The following FSD2 variants were observed in gnomAD, a reference collection of about 807,000 sequenced individuals.
The protein encoded by FSD2 is fibronectin type III and SPRY domain containing 2.
In FSD2, 71 loss-of-function variants were observed where a neutral mutation model predicts 80.4. That is an observed-to-expected ratio of 0.88 (90% confidence interval 0.73 to 1.08). The LOEUF (loss-of-function observed/expected upper bound fraction) is 1.08. Ranked by LOEUF, FSD2 falls within the 50% of genes least tolerant of loss-of-function variation. FSD2 has a pLI of 0.00. For missense variants in FSD2, 923 were observed against 913.8 expected, an observed-to-expected ratio of 1.01 and a Z score of -0.13; for synonymous variants, 361 against 329.5, an observed-to-expected ratio of 1.10 and a Z score of -1.03.
At chr15:82,790,827 C>T (rs2050130330) in intron 1 of FSD2, among the ~76,000 whole-genome samples, 1 of 150,408 alleles carries the variant, frequency 6.6e-6, no homozygotes, top group African/African-American at 2.5e-5. Context: ...CCTCGTGATC[C>T]GCCCACCTCG....
chr15:82,782,276 T>C (rs893889829), intron 4 of FSD2, among the ~76,000 whole-genome samples: 2 of 149,986 alleles, frequency 1.3e-5, no homozygotes, highest in African/African-American at 4.9e-5. Context: ...GGCGAGCGCC[T>C]GTAGTCCCAG....
chr15:82,759,424 C>T lies in FSD2; in HGVS notation c.2174G>A (p.Cys725Tyr), dbSNP rs778442048. 1 of 1,613,732 alleles carries T rather than the reference C, an allele frequency of 6.2e-7. No homozygotes were observed. Among genetic ancestry groups the T allele is most frequent in the South Asian group, 1.1e-5 (1 of 91,028 alleles). Reference protein sequence around the residue: ...SCQLHEFVHPCFSLEKPGCLK... With the variant: ...SCQLHEFVHPYFSLEKPGCLK... ...ACACCCAGGCTTTTCCAAAGAAAAA[C>T]AGGGATGCACAAATTCGTGAAGCTG... The change falls in exon 13 of 13, where the codon TGT becomes TAT. Residue 725 changes from cysteine (C) to tyrosine (Y), a missense_variant. Transcript: ENST00000334574.
In FSD2 at chr15:82,757,119, G is replaced by A. The variant is rs991147189; in HGVS notation, c.*2229C>T. ...ATGCTGAATAATTGTGATGCTTGAA[G>A]TTGCTAATCTGCTTTAAGTGGATTT... On this transcript the variant is annotated 3_prime_UTR_variant, in exon 13 of 13. Transcript: ENST00000334574. 1 of 152,198 alleles carries A rather than the reference G, an allele frequency of 6.6e-6. No individual in the cohort carries two copies. Among genetic ancestry groups the A allele is most frequent in the African/African-American group, 2.4e-5 (1 of 41,460 alleles). The allele number at this position is 152,198 out of a possible 1,614,324, so 9.4% of individuals were successfully genotyped here.
At chr15:82,791,765 C>CTACT (rs1439394704) in intron 1 of FSD2, among the ~76,000 whole-genome samples, 63 of 152,328 alleles carry the variant, frequency 4.1e-4, no homozygotes, top group African/African-American at 1.5e-3. Context: ...TCCTAAGCAA[C>CTACT]AACTAATCTA....
At chr15:82,782,254 G>T (rs2049882971) in intron 4 of FSD2, among the ~76,000 whole-genome samples, 1 of 151,002 alleles carries the variant, frequency 6.6e-6, no homozygotes, top group Admixed American at 6.6e-5. Context: ...AAAAAAATTA[G>T]CTGGGCTTGG....
intron 4 of FSD2, among the ~76,000 whole-genome samples, 190 bp downstream of exon 4, chr15:82,782,605 G>A (rs935547721): frequency 1.3e-5 from 2 of 152,200 alleles, no homozygotes; most frequent in African/African-American, 4.8e-5. Flanking sequence ...GCCATGCAGA[G>A]AGATTGGGCC....
rs753958916 is a variant in FSD2 at position 82,772,168 on chromosome 15, C to A, written c.1172G>T (p.Arg391Leu). The A allele has an allele frequency of 5.6e-6, 9 of 1,612,490 alleles. No homozygotes were observed. In the South Asian group the frequency reaches 9.9e-5, roughly 18 times the overall value. ...GTCGGAGTATAAGCTCCAGCACACTCGGACTGAGGAACCTGTGGCTGAGTT... is the reference window on the plus strand; with the variant it reads ...GTCGGAGTATAAGCTCCAGCACACTAGGACTGAGGAACCTGTGGCTGAGTT... ...VPNSATGSSV[R>L]VCWSLYSDDT... is the part of the protein sequence containing the mutation. Residue 391 changes from arginine to leucine, a missense_variant, in exon 7 of 13, where the codon CGA (arginine) becomes CTA (leucine). Coordinates refer to ENST00000334574, the MANE Select transcript of FSD2 (RefSeq NM_001007122.4).
At chr15:82,767,758 C>T (rs2049457160) in intron 9 of FSD2, among the ~76,000 whole-genome samples, 1 of 152,184 alleles carries the variant, frequency 6.6e-6, no homozygotes, top group African/African-American at 2.4e-5. Flanking sequence ...CTCTGTGTGG[C>T]CATGGACACA....
At position 82,793,325 on chromosome 15, in the gene FSD2, G is replaced by GT. The variant is rs540563518; in HGVS notation, c.-78-5858dup. ...CATGTTGGCCAGGCTGGTTTTTTGTGTTTTTTTTTTTCACGTCAAGAAATA... is the reference window on the plus strand; with the variant it reads ...CATGTTGGCCAGGCTGGTTTTTTGTGTTTTTTTTTTTTCACGTCAAGAAATA... On this transcript the variant is annotated intron_variant, in intron 1 of 12. Transcript: ENST00000334574. 3.6e-3 allele frequency among the ~76,000 whole-genome samples: 511 copies of GT among 143,850 alleles called. 8 individuals carry two copies. In the South Asian group the frequency reaches 0.065, roughly 18 times the overall value. 94.4% of individuals were successfully genotyped at this position (143,850 alleles called of 152,430 possible).
intron 1 of FSD2, 94 bp downstream of exon 1, chr15:82,805,872 C>T (rs2050514077): frequency 1.3e-5 from 2 of 152,234 alleles, no homozygotes; most frequent in South Asian, 2.1e-4. Flanking sequence ...GATATCTCTT[C>T]CCACCTACAG....
intron 6 of FSD2, among the ~76,000 whole-genome samples, chr15:82,776,250 A>G (rs1484178385): frequency 6.6e-6 from 1 of 152,174 alleles, no homozygotes; most frequent in Non-Finnish European, 1.5e-5. Flanking sequence ...TCACACCACT[A>G]TACTCCAGGC....
chr15:82,781,434 T>A (rs777951436), intron 4 of FSD2, among the ~76,000 whole-genome samples: 18 of 152,110 alleles, frequency 1.2e-4, no homozygotes, highest in Non-Finnish European at 2.5e-4. Context: ...TCTTGGACAA[T>A]GTGGGGGCCA....
At chr15:82,782,357 G>A (rs1457800316) in intron 4 of FSD2, among the ~76,000 whole-genome samples, 6 of 152,210 alleles carry the variant, frequency 3.9e-5, no homozygotes, top group African/African-American at 7.2e-5. Context: ...CCGAGATCGC[G>A]CCACTGCACT....
chr15:82,778,530 G>A (rs1306701218), intron 6 of FSD2, among the ~76,000 whole-genome samples: 8 of 152,112 alleles, frequency 5.3e-5, no homozygotes. Flanking sequence ...GTTGCCAGGG[G>A]CTTGGGGGAA....
At chr15:82,782,631 C>G (rs528474064) in intron 4 of FSD2, among the ~76,000 whole-genome samples, 164 bp downstream of exon 4, 2 of 152,190 alleles carry the variant, frequency 1.3e-5, no homozygotes, top group African/African-American at 2.4e-5. Flanking sequence ...CTCCCCATCA[C>G]GATCATCCAG....
chr15:82,802,789 C>T (rs183600084), intron 1 of FSD2, among the ~76,000 whole-genome samples: 2 of 152,246 alleles, frequency 1.3e-5, no homozygotes, highest in African/African-American at 4.8e-5. Flanking sequence ...ATAGATTCCA[C>T]CTGGTCATGG....
At chr15:82,759,969 T>G (rs2151483290) in intron 12 of FSD2, among the ~76,000 whole-genome samples, 1 of 152,150 alleles carries the variant, frequency 6.6e-6, no homozygotes, top group South Asian at 2.1e-4. Context: ...AATTTTTGTA[T>G]TTTTAGTAGA....
At chr15:82,760,249 T>C (rs753837056) in intron 12 of FSD2, among the ~76,000 whole-genome samples, 35 of 152,240 alleles carry the variant, frequency 2.3e-4, no homozygotes, top group Non-Finnish European at 3.8e-4. Context: ...CCTTGTGATT[T>C]TCCATGTGAT....
chr15:82,780,180 T>A, intron 5 of FSD2, 65 bp downstream of exon 5: 1 of 1,115,118 alleles, frequency 9.0e-7, no homozygotes, highest in South Asian at 1.5e-5. Context: ...TGGAACTGAG[T>A]CTATTTGGAT....
Sources: allele counts gnomAD v4.1 joint callset (sites outside exome capture counted in the v4.1 genomes callset), GRCh38; gene constraint gnomAD v4.1.1; transcripts MANE v1.5; gene names NCBI Gene and HGNC (gene_info 2026-07-23, HGNC 2026-07-21).